The following SGCZ variants were observed in gnomAD, a reference collection of about 807,000 sequenced individuals.
SGCZ encodes zeta-sarcoglycan.
In SGCZ, 40 loss-of-function variants were observed where a neutral mutation model predicts 41.3. That is an observed-to-expected ratio of 0.97 (90% CI 0.75 to 1.26). The LOEUF (loss-of-function observed/expected upper bound fraction) is 1.26, where lower values mean the gene tolerates loss of function less well. SGCZ is among the 50% of genes most tolerant of loss of function. SGCZ has a pLI of 0.00. For missense variants in SGCZ, 552 were observed against 369.8 expected, an observed-to-expected ratio of 1.49 and a Z score of -4.04; for synonymous variants, 206 against 137.5, an observed-to-expected ratio of 1.50 and a Z score of -3.49.
At chr8:14,852,657 C>T (rs532677746) in intron 1 of SGCZ, among the ~76,000 whole-genome samples, 3 of 152,168 alleles carry the variant, frequency 2.0e-5, no homozygotes, top group Non-Finnish European at 2.9e-5. Flanking sequence ...CCCCTACAAA[C>T]ATCTTGTCTT....
Position 14,979,129 on chromosome 8 carries a change from A to C in SGCZ, c.39+258456T>G, listed in dbSNP as rs146048380. Among the ~76,000 whole-genome samples, 182 of 152,340 alleles carry C rather than the reference A, an allele frequency of 1.2e-3. 2 individuals are homozygous for C. Among genetic ancestry groups the C allele is most frequent in the African/African-American group, 4.3e-3 (177 of 41,584 alleles). ...TACTATTTTCTTACAGAGGCAAGGCATATATGAAAAACAATGGAAAATATT... is the reference window on the plus strand; with the variant it reads ...TACTATTTTCTTACAGAGGCAAGGCCTATATGAAAAACAATGGAAAATATT... On this transcript the variant is annotated intron_variant, in intron 1 of 7. Coordinates refer to ENST00000382080, the MANE Select transcript of SGCZ (RefSeq NM_139167.4).
At chr8:14,404,875 G>A (rs1019099121) in intron 2 of SGCZ, among the ~76,000 whole-genome samples, 1 of 152,198 alleles carries the variant, frequency 6.6e-6, no homozygotes, top group Non-Finnish European at 1.5e-5. Context: ...GAGACTGGGA[G>A]CAAGAGGAGT....
At chr8:14,357,828 T>G (rs564827102) in intron 2 of SGCZ, among the ~76,000 whole-genome samples, 4 of 152,292 alleles carry the variant, frequency 2.6e-5, no homozygotes, top group African/African-American at 7.2e-5. Context: ...GAGAAACTGG[T>G]ATTTTCTTGC....
intron 2 of SGCZ, among the ~76,000 whole-genome samples, chr8:14,457,243 G>C (rs1000397433): frequency 1.3e-5 from 2 of 152,162 alleles, no homozygotes; most frequent in Admixed American, 6.6e-5. Flanking sequence ...AGGAGCTGAG[G>C]GGACATAGTG....
At chr8:14,209,918 C>T (rs1805744625) in intron 4 of SGCZ, among the ~76,000 whole-genome samples, 1 of 152,024 alleles carries the variant, frequency 6.6e-6, no homozygotes, top group Admixed American at 6.6e-5. Flanking sequence ...TAAAATAATT[C>T]ATTTTGAGCT....
At chr8:14,425,645 A>G (rs77900425) in intron 2 of SGCZ, among the ~76,000 whole-genome samples, 11 of 132,282 alleles carry the variant, frequency 8.3e-5, no homozygotes, top group African/African-American at 2.7e-4. Flanking sequence ...AAAGAAAAAA[A>G]AAAAGAAAAG....
In SGCZ at chr8:14,520,281, G is replaced by A. The variant is rs143433760; in HGVS notation, c.234+34451C>T. Among the ~76,000 whole-genome samples the A allele has an allele frequency of 1.2e-3, 187 of 152,240 alleles. 1 individual carries two copies. The highest frequency in any genetic ancestry group is 4.3e-3 in the African/African-American group (178 of 41,544). On this transcript the variant is annotated intron_variant, in intron 2 of 7. Coordinates refer to ENST00000382080, the MANE Select transcript of SGCZ (RefSeq NM_139167.4). ...CTGAAGTGCTATCTGGCAGCCATAG[G>A]GTTTCTAATCATGGCCTCAACACAG... is the stretch of plus-strand genomic sequence containing the variant.
intron 7 of SGCZ, among the ~76,000 whole-genome samples, chr8:14,094,832 C>G (rs2116960691): frequency 6.6e-6 from 1 of 152,276 alleles, no homozygotes; most frequent in East Asian, 1.9e-4. Context: ...ACCATTCTAA[C>G]TGGCGTGAGA....
intron 1 of SGCZ, among the ~76,000 whole-genome samples, chr8:14,765,649 A>G (rs752578478): frequency 6.6e-6 from 1 of 152,198 alleles, no homozygotes; most frequent in Non-Finnish European, 1.5e-5. Flanking sequence ...TAAAACTATT[A>G]AGCAAGAAAC....
intron 1 of SGCZ, among the ~76,000 whole-genome samples, chr8:14,922,357 T>C (rs1799612778): frequency 1.3e-5 from 2 of 152,220 alleles, no homozygotes; most frequent in African/African-American, 2.4e-5. Flanking sequence ...TGCACTCAGA[T>C]GTGCTTACAG....
At chr8:14,184,814 T>C (rs1181384198) in intron 4 of SGCZ, among the ~76,000 whole-genome samples, 2 of 152,216 alleles carry the variant, frequency 1.3e-5, no homozygotes, top group Non-Finnish European at 2.9e-5. Context: ...CTGATATTAC[T>C]AGAGCAAATT....
rs1804291339 is a variant in SGCZ, at chr8:14,874,891, TC to T, written c.40-319966del. On this transcript the variant is annotated intron_variant, in intron 1 of 7. Coordinates refer to ENST00000382080, the MANE Select transcript of SGCZ (RefSeq NM_139167.4). ...CACAATGCTCCTGTAAAGACATTTT[TC>T]ATAAGTAACTAAAGTCCCAAGTCAA... Among the ~76,000 whole-genome samples, 7 of 152,168 alleles carry T rather than the reference TC, an allele frequency of 4.6e-5. No homozygotes were observed. In the South Asian group the frequency reaches 1.4e-3, roughly 31 times the overall value.
chr8:14,460,064 C>G (rs952494176), intron 2 of SGCZ, among the ~76,000 whole-genome samples: 2 of 152,104 alleles, frequency 1.3e-5, no homozygotes, highest in African/African-American at 4.8e-5. Context: ...ACTTGGTCAA[C>G]AGCATAGTAC....
At chr8:14,758,671 T>C (rs1799762747) in intron 1 of SGCZ, among the ~76,000 whole-genome samples, 1 of 152,176 alleles carries the variant, frequency 6.6e-6, no homozygotes, top group Non-Finnish European at 1.5e-5. Flanking sequence ...AATAACTACA[T>C]TAAAGCGAAA....
chr8:14,768,112 A>G (rs1049959965), intron 1 of SGCZ, among the ~76,000 whole-genome samples: 3 of 152,346 alleles, frequency 2.0e-5, no homozygotes, highest in African/African-American at 7.2e-5. Flanking sequence ...CTAAAATGCC[A>G]AAAAGAATAT....
chr8:14,103,600 T>C (rs1802104578), intron 6 of SGCZ, among the ~76,000 whole-genome samples: 1 of 152,136 alleles, frequency 6.6e-6, no homozygotes, highest in Non-Finnish European at 1.5e-5. Context: ...TTAAAAGTGA[T>C]ATGGAAGGAG....
At chr8:14,677,336 A>G (rs1386733433) in intron 1 of SGCZ, among the ~76,000 whole-genome samples, 2 of 152,202 alleles carry the variant, frequency 1.3e-5, no homozygotes, top group African/African-American at 4.8e-5. Flanking sequence ...TTTCATGTTC[A>G]TGGATAGGAA....
chr8:14,420,483 A>G (rs915944411), intron 2 of SGCZ, among the ~76,000 whole-genome samples: 2 of 152,092 alleles, frequency 1.3e-5, no homozygotes, highest in African/African-American at 4.8e-5. Context: ...ATTGCATTCT[A>G]TATTTGCTGT....
chr8:15,097,663 C>A (rs1399032294), intron 1 of SGCZ, among the ~76,000 whole-genome samples: 1 of 150,848 alleles, frequency 6.6e-6, no homozygotes. Context: ...GAGAGAATCT[C>A]CTGAGCCCAG....
Sources: allele counts gnomAD v4.1 joint callset (sites outside exome capture counted in the v4.1 genomes callset), GRCh38; gene constraint gnomAD v4.1.1; transcripts MANE v1.5; gene names NCBI Gene and HGNC (gene_info 2026-07-23, HGNC 2026-07-21).